Variants in UNC80 observed in about 807,000 individuals in gnomAD.
UNC80 encodes protein unc-80 homolog.
In UNC80, 164 loss-of-function variants were observed where a neutral mutation model predicts 384.6. That is an observed-to-expected ratio of 0.43 (90% CI 0.38 to 0.49). The LOEUF (loss-of-function observed/expected upper bound fraction) is 0.49, where lower values mean the gene tolerates loss of function less well. Ranked by LOEUF, UNC80 falls within the 20% of genes least tolerant of loss-of-function variation. The probability of loss-of-function intolerance (pLI) is 0.00; values close to 1 mark genes in which losing one functional copy is unlikely to be tolerated. For missense variants in UNC80, 3,330 were observed against 4,143.0 expected (o/e 0.80, Z 5.39); for synonymous variants, 1,486 against 1,527.8 (o/e 0.97, Z 0.64).
intron 47 of UNC80, among the ~76,000 whole-genome samples, chr2:209,950,819 A>G (rs1412244497): frequency 6.6e-6 from 1 of 151,358 alleles, no homozygotes; most frequent in Non-Finnish European, 1.5e-5. Flanking sequence ...CAGCCTCCCA[A>G]AGTGCTGGGA....
At chr2:209,984,794 T>C (rs1044920208) in intron 60 of UNC80, 62 bp from the exon 61 acceptor site, 37 of 1,477,986 alleles carry the variant, frequency 2.5e-5, no homozygotes. Context: ...GCCTTTTTTC[T>C]TTTTTCTTTT....
chr2:209,801,925 G>C (rs951315193), intron 7 of UNC80, among the ~76,000 whole-genome samples: 1 of 151,964 alleles, frequency 6.6e-6, no homozygotes, highest in African/African-American at 2.4e-5. Flanking sequence ...TCTTTCTTTG[G>C]ACTTTAAAAG....
At chr2:209,939,451 T>C in intron 42 of UNC80, 21 bp from the exon 43 acceptor site, 2 of 1,539,084 alleles carry the variant, frequency 1.3e-6, no homozygotes, top group Non-Finnish European at 1.8e-6. Context: ...TTTTGTCTGC[T>C]CCTGCTTTTG....
Position 209,970,888 on chromosome 2 carries a change from C to G in UNC80, c.8187C>G (p.Leu2729=). Residue 2729 remains leucine, a synonymous_variant, in exon 54 of 65, where the codon CTC becomes CTG. Coordinates refer to ENST00000673920, the MANE Select transcript of UNC80 (RefSeq NM_001371986.1). The stretch of plus-strand genomic sequence containing the variant: ...CTGATGGATTACCCCTTCTTCATCT[C>G]AGCCCTTATCTCTCACCACCTCTGC... The part of the protein sequence containing the change: ...SVADGLPLLH[L]SPYLSPPLPF... 6.4e-7 allele frequency: 1 copy of G among 1,551,836 alleles called. No homozygotes were observed. Among genetic ancestry groups the G allele is most frequent in the Non-Finnish European group, 8.7e-7 (1 of 1,147,022 alleles).
At position 209,954,431 on chromosome 2, in the gene UNC80, C is replaced by A. The variant is rs908209378; in HGVS notation, c.7457+161C>A. 9.8e-5 allele frequency: 51 copies of A among 521,882 alleles called. No homozygotes were observed. The South Asian group carries it at 3.2e-3, about 33-fold the overall frequency. 32.3% of individuals were successfully genotyped at this position (521,882 alleles called of 1,614,324 possible). On this transcript the variant is annotated intron_variant, in intron 48 of 64. Coordinates refer to ENST00000673920, the MANE Select transcript of UNC80 (RefSeq NM_001371986.1). The stretch of plus-strand genomic sequence containing the variant: ...TTATGCCTTATAACTGTGAACAGTT[C>A]GTGAGTTATTTGAATAAATAATGTT...
intron 9 of UNC80, 94 bp from the exon 10 acceptor site, chr2:209,816,815 C>A: frequency 8.7e-6 from 10 of 1,145,360 alleles, no homozygotes; most frequent in Non-Finnish European, 1.1e-5. Context: ...TGGCACATTT[C>A]TTGTATTTTA....
At chr2:209,905,055 T>G in intron 29 of UNC80, 90 bp downstream of exon 29, 1 of 1,359,146 alleles carries the variant, frequency 7.4e-7, no homozygotes, top group East Asian at 2.5e-5. Context: ...TTCAAGCAAA[T>G]GCAATTGTAA....
chr2:209,990,564 T>C (rs914848987), intron 61 of UNC80, among the ~76,000 whole-genome samples: 2 of 152,204 alleles, frequency 1.3e-5, no homozygotes, highest in African/African-American at 4.8e-5. Context: ...GAGAAGCTTG[T>C]TTCTACTTTT....
intron 48 of UNC80, among the ~76,000 whole-genome samples, chr2:209,957,408 A>G (rs1305283768): frequency 6.6e-6 from 1 of 152,174 alleles, no homozygotes; most frequent in African/African-American, 2.4e-5. Flanking sequence ...TATTACTCAG[A>G]ACAAAGAAGT....
intron 25 of UNC80, among the ~76,000 whole-genome samples, chr2:209,884,365 A>C (rs2085583025): frequency 6.6e-6 from 1 of 152,194 alleles, no homozygotes; most frequent in African/African-American, 2.4e-5. Flanking sequence ...GTATGTCTAC[A>C]TTCGTTTGTT....
chr2:209,782,599 G>T (rs2077211999), intron 4 of UNC80, among the ~76,000 whole-genome samples: 1 of 151,852 alleles, frequency 6.6e-6, no homozygotes, highest in South Asian at 2.1e-4. Context: ...AGCTAACATA[G>T]TATCTGTGTT....
At chr2:209,919,649 G>A (rs1347614721) in intron 33 of UNC80, among the ~76,000 whole-genome samples, 3 of 151,842 alleles carry the variant, frequency 2.0e-5, no homozygotes, top group African/African-American at 4.8e-5. Context: ...GGCATTTGTC[G>A]CTTTCTTTGG....
At chr2:209,980,308 T>G (rs1232482838) in intron 59 of UNC80, among the ~76,000 whole-genome samples, 1 of 152,228 alleles carries the variant, frequency 6.6e-6, no homozygotes, top group East Asian at 1.9e-4. Context: ...TAGAGCTAAA[T>G]ATATTTTGCA....
chr2:209,808,361 G>A (rs138134251), intron 7 of UNC80, among the ~76,000 whole-genome samples: 3,196 of 151,980 alleles, frequency 0.021, 111 homozygotes, highest in African/African-American at 0.073. Flanking sequence ...TCAGATGTTC[G>A]AGACCAGCCT....
intron 26 of UNC80, among the ~76,000 whole-genome samples, 166 bp from the exon 27 acceptor site, chr2:209,893,997 C>T (rs1183366863): frequency 6.6e-6 from 1 of 152,178 alleles, no homozygotes; most frequent in Non-Finnish European, 1.5e-5. Context: ...ACCAGCCCTT[C>T]CTGGTGGTTC....
At chr2:209,809,650 C>G in intron 7 of UNC80, 1 of 606,856 alleles carries the variant, frequency 1.6e-6, no homozygotes, top group Non-Finnish European at 2.9e-6. Flanking sequence ...TCCCCAAGCT[C>G]CAGAAGGAAG....
chr2:209,891,607 G>A (rs1001128441), intron 26 of UNC80, among the ~76,000 whole-genome samples: 4 of 152,148 alleles, frequency 2.6e-5, no homozygotes, highest in Admixed American at 6.5e-5. Context: ...TATTATTTAT[G>A]TAAATTGGCT....
chr2:209,915,461 T>C (rs537463186), intron 31 of UNC80, among the ~76,000 whole-genome samples: 1 of 151,620 alleles, frequency 6.6e-6, no homozygotes, highest in East Asian at 1.9e-4. Flanking sequence ...ACTGGGCTTT[T>C]TGGAAAGCCT....
In UNC80 at chr2:209,866,429, A is replaced by C. The variant is rs568274314; in HGVS notation, c.3628-6329A>C. ...TCTGGAGGAATTTTCAGTTGTCACAACTTGGGGATTGGGTAAATACCAAAG... is the reference window on the plus strand; with the variant it reads ...TCTGGAGGAATTTTCAGTTGTCACACCTTGGGGATTGGGTAAATACCAAAG... On this transcript the variant is annotated intron_variant, in intron 22 of 64. Coordinates refer to ENST00000673920, the MANE Select transcript of UNC80 (RefSeq NM_001371986.1). 4.6e-5 allele frequency among the ~76,000 whole-genome samples: 7 copies of C among 150,720 alleles called. No individual in the cohort carries two copies. The South Asian group carries it at 1.5e-3, about 32-fold the overall frequency.
Sources: allele counts gnomAD v4.1 joint callset (sites outside exome capture counted in the v4.1 genomes callset), GRCh38; gene constraint gnomAD v4.1.1; transcripts MANE v1.5; gene names NCBI Gene and HGNC (gene_info 2026-07-23, HGNC 2026-07-21).